Variants in EFTUD2 observed in about 807,000 individuals in gnomAD.
EFTUD2 encodes the protein elongation factor Tu GTP binding domain containing 2.
A neutral mutation model predicts 114.3 loss-of-function variants in EFTUD2; 9 were observed. The observed-to-expected ratio is 0.08, with a 90% CI of 0.05 to 0.14. The LOEUF is 0.14. Among genes scored for constraint, EFTUD2 ranks in the 10% least tolerant of loss-of-function variants. The probability of loss-of-function intolerance (pLI) is 1.00; values close to 1 mark genes in which losing one functional copy is unlikely to be tolerated. For missense variants in EFTUD2, 765 were observed against 1,241.2 expected (o/e 0.62, Z 5.76); for synonymous variants, 449 against 462.3 (o/e 0.97, Z 0.37).
At position 44,886,599 on chromosome 17, in the gene EFTUD2, G is replaced by C. The variant is rs1482254376; in HGVS notation, c.257C>G (p.Thr86Ser). The change falls in exon 3 of 28, where the codon ACT (threonine) becomes AGT (serine). Residue 86 changes from threonine (T) to serine (S), a missense_variant. Thr to Ser is a moderately conservative substitution (Grantham distance 58, BLOSUM62 1). Coordinates refer to ENST00000426333, the MANE Select transcript of EFTUD2 (RefSeq NM_004247.4). ...TCCTGATGTACCTGTGAGAGGCTGA[G>C]TGTCTTCCTCTTGAACTATGGTCTC... ...EVETIVQEED[T>S]QPLTEPIIKP... 3 of 1,614,166 alleles carry C rather than the reference G, an allele frequency of 1.9e-6. No individual in the cohort carries two copies. Among genetic ancestry groups the C allele is most frequent in the South Asian group, 1.1e-5 (1 of 91,082 alleles).
chr17:44,859,255 A>G, intron 18 of EFTUD2, 74 bp from the exon 19 acceptor site: 2 of 1,041,328 alleles, frequency 1.9e-6, no homozygotes, highest in Non-Finnish European at 3.0e-6. Flanking sequence ...AATCAAGGCC[A>G]GAGCAGACAA....
In EFTUD2 at chr17:44,872,519, G is replaced by C. The variant is rs917594421; in HGVS notation, c.921C>G (p.Val307=). ...TGCTGTACTGGGAGCTGGAGAAGCA[G>C]ACGTTACCCAGGAGTGGGGAAAGGA... ...NLILSPLLGN[V]CFSSSQYSIC... The change falls in exon 11 of 28, where the codon GTC becomes GTG. Residue 307 remains valine, a synonymous_variant. Transcript: ENST00000426333. 10 of 1,613,412 alleles carry C rather than the reference G, an allele frequency of 6.2e-6. No individual in the cohort carries two copies. Among genetic ancestry groups the C allele is most frequent in the Non-Finnish European group, 8.5e-6 (10 of 1,179,534 alleles).
intron 4 of EFTUD2, among the ~76,000 whole-genome samples, chr17:44,884,514 G>T (rs1424391283): frequency 7.4e-6 from 1 of 135,722 alleles, no homozygotes; most frequent in Non-Finnish European, 1.6e-5. Flanking sequence ...GTGAGACCCC[G>T]CATCGAAAAA....
chr17:44,893,258 G>A (rs961393646), intron 2 of EFTUD2, among the ~76,000 whole-genome samples: 25 of 152,118 alleles, frequency 1.6e-4, no homozygotes, highest in African/African-American at 5.3e-4. Flanking sequence ...AAGCAGCTGG[G>A]ACTACAGGCA....
Position 44,881,042 on chromosome 17 carries a change from A to AT in EFTUD2, c.529-399dup, listed in dbSNP as rs557404888. ...TATAAAAGCTATGACAGAAATAAAC[A>AT]TTTTTTTTAAAACTCCAAACAAATA... is the stretch of plus-strand genomic sequence containing the variant. On this transcript the variant is annotated intron_variant, in intron 7 of 27. Coordinates refer to ENST00000426333, the MANE Select transcript of EFTUD2 (RefSeq NM_004247.4). Among the ~76,000 whole-genome samples, 377 of 152,170 alleles carry AT rather than the reference A, an allele frequency of 2.5e-3. 3 individuals carry two copies. Among genetic ancestry groups the AT allele is most frequent in the African/African-American group, 8.6e-3 (358 of 41,534 alleles).
At chr17:44,886,542 G>C in intron 3 of EFTUD2, 43 bp downstream of exon 3, 1 of 1,601,522 alleles carries the variant, frequency 6.2e-7, no homozygotes, top group African/African-American at 1.3e-5. Flanking sequence ...GAAGTTTCCA[G>C]GTTTCAATTT....
rs1264795627 is a variant in EFTUD2, at chr17:44,874,138, C to T, written c.870-1568G>A. 4.0e-5 allele frequency among the ~76,000 whole-genome samples: 6 copies of T among 150,246 alleles called. No homozygotes were observed. The South Asian group carries it at 8.5e-4, about 21-fold the overall frequency. Reference sequence around the variant, plus strand: ...CTCACTATAACCCTGAACTCCTTGGCTCAAGTGATCCTCTTGCCTCTGCCT... The same window carrying T: ...CTCACTATAACCCTGAACTCCTTGGTTCAAGTGATCCTCTTGCCTCTGCCT... On this transcript the variant is annotated intron_variant, in intron 10 of 27. Coordinates refer to ENST00000426333, the MANE Select transcript of EFTUD2 (RefSeq NM_004247.4).
chr17:44,853,588 C>T lies in EFTUD2; in HGVS notation c.2395G>A (p.Glu799Lys). The T allele has an allele frequency of 6.2e-7, 1 of 1,614,122 alleles. No homozygotes were observed. The highest frequency in any genetic ancestry group is 8.5e-7 in the Non-Finnish European group (1 of 1,180,010). Reference protein sequence around the residue: ...FKILDAVVAQEPLHRGGGQII... With the variant: ...FKILDAVVAQKPLHRGGGQII... Reference sequence around the variant, plus strand: ...TGGCCCCCGCCCCGGTGCAGGGGCTCCTGGGCAACCACCGCATCCAGGATC... The same window carrying T: ...TGGCCCCCGCCCCGGTGCAGGGGCTTCTGGGCAACCACCGCATCCAGGATC... Residue 799 changes from glutamate (E) to lysine (K), a missense_variant, in exon 24 of 28, where the codon GAG becomes AAG. Transcript: ENST00000426333.
At chr17:44,858,285 G>A (rs1034902099) in intron 19 of EFTUD2, among the ~76,000 whole-genome samples, 38 of 152,072 alleles carry the variant, frequency 2.5e-4, no homozygotes, top group Non-Finnish European at 4.1e-4. Flanking sequence ...ACCCATGCTA[G>A]GGTGCAGTGG....
intron 8 of EFTUD2, 113 bp downstream of exon 8, chr17:44,880,441 G>T: frequency 2.8e-6 from 2 of 703,230 alleles, no homozygotes; most frequent in Non-Finnish European, 2.4e-6. Flanking sequence ...TTTCAATGAA[G>T]GTGAGGGAAT....
At chr17:44,865,806 C>T (rs995531469) in intron 13 of EFTUD2, among the ~76,000 whole-genome samples, 4 of 152,158 alleles carry the variant, frequency 2.6e-5, no homozygotes, top group East Asian at 1.9e-4. Context: ...TTCATATAAA[C>T]GTCATGCTAT....
At chr17:44,872,649 G>T in intron 10 of EFTUD2, 79 bp from the exon 11 acceptor site, 1 of 1,476,068 alleles carries the variant, frequency 6.8e-7, no homozygotes, top group Non-Finnish European at 9.0e-7. Flanking sequence ...GCAGGAACTC[G>T]GTATCACAGC....
At chr17:44,853,706 G>C (rs1270832853) in intron 23 of EFTUD2, 71 bp from the exon 24 acceptor site, 6 of 1,592,246 alleles carry the variant, frequency 3.8e-6, no homozygotes, top group Non-Finnish European at 5.2e-6. Flanking sequence ...CAGAGTAGCA[G>C]TCTCCTGCAA....
Position 44,850,356 on chromosome 17 carries a change from A to T in EFTUD2, c.*918T>A. ...GGTGCTGTGTACACAATGTACAGCG[A>T]TTACGTCAAGAGGATGGCACAGGAT... is the stretch of plus-strand genomic sequence containing the variant. On this transcript the variant is annotated 3_prime_UTR_variant, in exon 28 of 28. Coordinates refer to ENST00000426333, the MANE Select transcript of EFTUD2 (RefSeq NM_004247.4). The T allele has an allele frequency of 6.2e-7, 1 of 1,613,460 alleles. No individual in the cohort carries two copies. Among genetic ancestry groups the T allele is most frequent in the Non-Finnish European group, 8.5e-7 (1 of 1,179,624 alleles).
intron 2 of EFTUD2, among the ~76,000 whole-genome samples, chr17:44,893,769 G>C (rs1236739680): frequency 5.1e-4 from 11 of 21,674 alleles, no homozygotes; most frequent in African/African-American, 1.6e-3. Context: ...AAAAAAGGTG[G>C]GGGGGGGGGT....
chr17:44,897,595 C>T (rs1041634608), intron 1 of EFTUD2, among the ~76,000 whole-genome samples: 1 of 152,094 alleles, frequency 6.6e-6, no homozygotes, highest in African/African-American at 2.4e-5. Flanking sequence ...GACGGAGTCC[C>T]GCTCTGTTGC....
intron 8 of EFTUD2, among the ~76,000 whole-genome samples, chr17:44,879,843 A>C (rs1307861845): frequency 6.6e-6 from 1 of 151,948 alleles, no homozygotes; most frequent in East Asian, 1.9e-4. Flanking sequence ...TCCCTACATA[A>C]AAAGAGGGAC....
At chr17:44,897,215 CAA>C (rs60766041) in intron 1 of EFTUD2, among the ~76,000 whole-genome samples, 7 of 66,504 alleles carry the variant, frequency 1.1e-4, no homozygotes, top group African/African-American at 1.1e-4. Flanking sequence ...GACTCCGTCT[CAA>C]AAAAAAAAAA....
intron 6 of EFTUD2, among the ~76,000 whole-genome samples, chr17:44,882,665 T>C (rs191372987): frequency 6.6e-6 from 1 of 152,360 alleles, no homozygotes; most frequent in East Asian, 1.9e-4. Context: ...AATGCTAAAG[T>C]GTTAAAACAA....
Sources: allele counts gnomAD v4.1 joint callset (sites outside exome capture counted in the v4.1 genomes callset), GRCh38; gene constraint gnomAD v4.1.1; transcripts MANE v1.5; gene names NCBI Gene and HGNC (gene_info 2026-07-23, HGNC 2026-07-21).